ESYT3: variants seen among roughly 807,000 people sequenced by gnomAD.
ESYT3 encodes extended synaptotagmin 3.
Under a neutral mutation model 111.5 loss-of-function variants are expected in ESYT3, and 101 were observed. That is an observed-to-expected ratio of 0.91 (90% CI 0.77 to 1.07). The LOEUF (loss-of-function observed/expected upper bound fraction) is 1.07, where lower values mean the gene tolerates loss of function less well. ESYT3 is among the 50% of genes least tolerant of loss of function. The pLI, the probability that ESYT3 is intolerant of heterozygous loss-of-function variation, is 0.00. For missense variants in ESYT3, 1,097 were observed against 1,109.4 expected, an observed-to-expected ratio of 0.99 and a Z score of 0.16; for synonymous variants, 416 against 446.8, an observed-to-expected ratio of 0.93 and a Z score of 0.87.
intron 4 of ESYT3, among the ~76,000 whole-genome samples, chr3:138,458,468 C>T (rs2032424445): frequency 6.6e-6 from 1 of 152,212 alleles, no homozygotes; most frequent in African/African-American, 2.4e-5. Context: ...CCCCGTCTGG[C>T]TCACTCCTGC....
chr3:138,452,155 A>AC, intron 2 of ESYT3, 66 bp downstream of exon 2: 1 of 1,526,090 alleles, frequency 6.6e-7, no homozygotes, highest in Non-Finnish European at 8.9e-7. Context: ...CGCGGCTGTC[A>AC]CCCCCACAGC....
At chr3:138,452,306 A>G (rs1444957575) in intron 2 of ESYT3, among the ~76,000 whole-genome samples, 1 of 152,232 alleles carries the variant, frequency 6.6e-6, no homozygotes, top group African/African-American at 2.4e-5. Flanking sequence ...AAATTAGAAA[A>G]TACAGAGAAG....
chr3:138,464,427 C>T lies in ESYT3; in HGVS notation c.998C>T (p.Pro333Leu). 1.2e-6 allele frequency: 2 copies of T among 1,614,142 alleles called. No homozygotes were observed. Among genetic ancestry groups the T allele is most frequent in the Non-Finnish European group, 1.7e-6 (2 of 1,180,016 alleles). ...CTGGGGCTCCGAGGCAAGTCAGATC[C>T]CTACGCCAAGGTGAGCATCGGCCTA... is the stretch of plus-strand genomic sequence containing the variant. ...NFLGLRGKSD[P>L]YAKVSIGLQH... is the part of the protein sequence containing the mutation. The change falls in exon 9 of 23, where the codon CCC (proline) becomes CTC (leucine). Residue 333 changes from proline to leucine, a missense_variant. Pro to Leu is a moderately conservative substitution (Grantham distance 98). Transcript: ENST00000389567.
At chr3:138,462,371 G>T in intron 8 of ESYT3, 165 bp downstream of exon 8, 1 of 972,998 alleles carries the variant, frequency 1.0e-6, no homozygotes, top group Non-Finnish European at 1.5e-6. Context: ...AAGACATTTT[G>T]TCCTTGGGGT....
chr3:138,459,680 A>G (rs574245947), intron 5 of ESYT3, among the ~76,000 whole-genome samples: 4 of 152,330 alleles, frequency 2.6e-5, no homozygotes, highest in East Asian at 1.9e-4. Flanking sequence ...GGCAAAGGCT[A>G]TAGGTCTCTC....
chr3:138,452,819 C>T (rs553908047), intron 2 of ESYT3, among the ~76,000 whole-genome samples: 4 of 152,166 alleles, frequency 2.6e-5, no homozygotes, highest in South Asian at 2.1e-4. Flanking sequence ...AGGCTTAGCC[C>T]GTAGCAGGAA....
rs929346628 is a variant in ESYT3, at chr3:138,479,224, T to C, written c.*2370T>C. On this transcript the variant is annotated 3_prime_UTR_variant, in exon 23 of 23. Transcript: ENST00000389567. ...AAGCAGTGGAAAGCAAAGAAATCCA[T>C]AAAATACATTGGCAAACCTAAGCAA... The C allele has an allele frequency of 1.3e-5, 2 of 152,204 alleles. No homozygotes were observed. The highest frequency in any genetic ancestry group is 4.8e-5 in the African/African-American group (2 of 41,432). The allele number at this position is 152,204 out of a possible 1,614,324, so 9.4% of individuals were successfully genotyped here.
intron 16 of ESYT3, 39 bp downstream of exon 16, chr3:138,470,185 G>T: frequency 1.2e-6 from 2 of 1,602,506 alleles, no homozygotes; most frequent in Non-Finnish European, 1.7e-6. Flanking sequence ...GAGTTAAGAG[G>T]TTTTTAAGCC....
intron 15 of ESYT3, 46 bp downstream of exon 15, chr3:138,469,550 C>G (rs912206267): frequency 1.3e-6 from 2 of 1,540,244 alleles, no homozygotes; most frequent in Non-Finnish European, 1.8e-6. Flanking sequence ...AACAAGGACC[C>G]AGCCCTTCTC....
chr3:138,451,607 T>G (rs917562660), intron 1 of ESYT3, among the ~76,000 whole-genome samples: 2 of 152,180 alleles, frequency 1.3e-5, no homozygotes, highest in African/African-American at 4.8e-5. Flanking sequence ...TACTTGCGTG[T>G]GCAAACAAGC....
chr3:138,471,301 C>T (rs1050626188), intron 17 of ESYT3, among the ~76,000 whole-genome samples: 1 of 152,126 alleles, frequency 6.6e-6, no homozygotes, highest in Non-Finnish European at 1.5e-5. Flanking sequence ...GTCTCTTGAC[C>T]TCAACTAAAT....
In ESYT3 at chr3:138,459,532, C is replaced by T. The variant is rs2032501434; in HGVS notation, c.648+279C>T. On this transcript the variant is annotated intron_variant, in intron 5 of 22. Transcript: ENST00000389567. ...GCCTGGCGAGGAGAGAGATGGTGTT[C>T]ATGGAGCGATGGAAAGCCATTGCTT... Among the ~76,000 whole-genome samples the T allele has an allele frequency of 2.6e-5, 4 of 152,194 alleles. No homozygotes were observed. The South Asian group carries it at 6.2e-4, about 24-fold the overall frequency.
rs377673981 is a variant in ESYT3, at chr3:138,477,155, C to T, written c.*301C>T. Reference sequence around the variant, plus strand: ...AAACCTCAGTGTTTATATACTTAAACAAGTGCCACTTTTTAGTAGGTAATT... The same window carrying T: ...AAACCTCAGTGTTTATATACTTAAATAAGTGCCACTTTTTAGTAGGTAATT... On this transcript the variant is annotated 3_prime_UTR_variant, in exon 23 of 23. Transcript: ENST00000389567. 1 of 258,642 alleles carries T rather than the reference C, an allele frequency of 3.9e-6. No individual in the cohort carries two copies. The highest frequency in any genetic ancestry group is 7.4e-6 in the Non-Finnish European group (1 of 135,808). 16.0% of individuals were successfully genotyped at this position (258,642 alleles called of 1,614,324 possible).
Position 138,469,503 on chromosome 3 carries a change from A to AG in ESYT3, c.1503+1dup. 6.2e-7 allele frequency: 1 copy of AG among 1,613,790 alleles called. No homozygotes were observed. Among genetic ancestry groups the AG allele is most frequent in the Non-Finnish European group, 8.5e-7 (1 of 1,179,734 alleles). On this transcript the variant is annotated frameshift_variant and splice_region_variant, in exon 15 of 23. Coordinates refer to ENST00000389567, the MANE Select transcript of ESYT3 (RefSeq NM_031913.5). LOFTEE classifies it high-confidence loss of function. ...GTAGGCAAGAAGACACATACAAGTAAGGTAAGACAGCTTGGTGTGTAGCCC... is the reference window on the plus strand; with the variant it reads ...GTAGGCAAGAAGACACATACAAGTAAGGGTAAGACAGCTTGGTGTGTAGCCC...
Position 138,464,409 on chromosome 3 carries a change from T to C in ESYT3, c.980T>C (p.Leu327Pro). The C allele has an allele frequency of 6.2e-7, 1 of 1,614,124 alleles. No individual in the cohort carries two copies. Among genetic ancestry groups the C allele is most frequent in the Non-Finnish European group, 8.5e-7 (1 of 1,180,000 alleles). The change falls in exon 9 of 23, where the codon CTC becomes CCC. Residue 327 changes from leucine (L) to proline (P), a missense_variant. Coordinates refer to ENST00000389567, the MANE Select transcript of ESYT3 (RefSeq NM_031913.5). The part of the protein sequence containing the change: ...QLAQKDNFLG[L>P]RGKSDPYAKV... The stretch of plus-strand genomic sequence containing the variant: ...GCCCAGAAGGACAACTTTCTGGGGC[T>C]CCGAGGCAAGTCAGATCCCTACGCC...
intron 22 of ESYT3, 140 bp from the exon 23 acceptor site, chr3:138,476,671 TAACCCTG>T: frequency 1.9e-6 from 2 of 1,054,690 alleles, no homozygotes; most frequent in South Asian, 1.4e-5. Flanking sequence ...ACTCTAGCCT[TAACCCTG>T]AACCCTGGCT....
intron 1 of ESYT3, among the ~76,000 whole-genome samples, chr3:138,442,952 G>T (rs775050041): frequency 6.6e-6 from 1 of 152,138 alleles, no homozygotes; most frequent in Non-Finnish European, 1.5e-5. Context: ...AAGAGGATAA[G>T]TTTTTTTAAC....
rs1311001681 is a variant in ESYT3, at chr3:138,434,962, T to C, written c.164T>C (p.Leu55Pro). The change falls in exon 1 of 23, where the codon CTG becomes CCG. Residue 55 changes from leucine (L) to proline (P), a missense_variant. Leu to Pro is a moderately conservative substitution (Grantham distance 98). Coordinates refer to ENST00000389567, the MANE Select transcript of ESYT3 (RefSeq NM_031913.5). ...GGGCCTGTCTACCTAGCTGGCTACC[T>C]GGGGCTCAGCATAACCTGGTTGCTG... ...YLGPVYLAGY[L>P]GLSITWLLLG... is the part of the protein sequence containing the mutation. 1 of 1,554,946 alleles carries C rather than the reference T, an allele frequency of 6.4e-7. No individual in the cohort carries two copies.
chr3:138,441,149 C>T (rs1469342121), intron 1 of ESYT3, among the ~76,000 whole-genome samples: 2 of 152,196 alleles, frequency 1.3e-5, no homozygotes, highest in African/African-American at 4.8e-5. Flanking sequence ...CACAGTCTTT[C>T]ACAGGTTAGG....
Sources: gnomAD v4.1 joint callset for allele counts (sites outside exome capture counted in the v4.1 genomes callset) on GRCh38, gnomAD v4.1.1 for gene constraint, MANE v1.5 for transcripts, NCBI Gene and HGNC (gene_info 2026-07-23, HGNC 2026-07-21) for gene names.